The following CEP104 variants were observed in gnomAD, a reference collection of about 807,000 sequenced individuals.
CEP104 encodes centrosomal protein 104, also known as centrosomal protein of 104 kDa.
In CEP104, 84 loss-of-function variants were observed where a neutral mutation model predicts 113.3. That is an observed-to-expected ratio of 0.74 (90% CI 0.62 to 0.89). The LOEUF (loss-of-function observed/expected upper bound fraction) is 0.89, where lower values mean the gene tolerates loss of function less well. Among genes scored for constraint, CEP104 ranks in the 40% least tolerant of loss-of-function variants. The pLI is 0.00. For missense variants in CEP104, 1,053 were observed against 1,156.6 expected (o/e 0.91, Z 1.30); for synonymous variants, 378 against 421.7 (o/e 0.90, Z 1.27).
rs1644032747 is a variant in CEP104 at position 3,823,944 on chromosome 1, A to G, written c.2365-382T>C. On this transcript the variant is annotated intron_variant, in intron 18 of 21. Transcript: ENST00000378230. The surrounding 1 kb of genome is among the most constrained non-coding windows in gnomAD (Gnocchi z 4.1). ...AGAATGCACACAGAAACAGGACCAC[A>G]GAAAAGAATTTTAAGAGATTCTCTC... 6.6e-6 allele frequency among the ~76,000 whole-genome samples: 1 copy of G among 152,236 alleles called. No homozygotes were observed. Among genetic ancestry groups the G allele is most frequent in the African/African-American group, 2.4e-5 (1 of 41,456 alleles).
chr1:3,834,009 C>T lies in CEP104; in HGVS notation c.1512G>A (p.Leu504=). The change falls in exon 12 of 22, where the codon TTG becomes TTA. Residue 504 remains leucine (L), a synonymous_variant. Transcript: ENST00000378230. The part of the protein sequence containing the change: ...TSVFQASLKL[L]KMIITQYIPK... ...GAATATATTGTGTAATGATCATTTT[C>T]AACAATTTCAAAGAAGCCTGAAAAA... The T allele has an allele frequency of 6.2e-7, 1 of 1,613,508 alleles. No homozygotes were observed. The highest frequency in any genetic ancestry group is 8.5e-7 in the Non-Finnish European group (1 of 1,179,512).
chr1:3,816,111 A>G (rs1197874841), intron 21 of CEP104, 169 bp downstream of exon 21: 2 of 580,224 alleles, frequency 3.4e-6, no homozygotes, highest in Non-Finnish European at 5.9e-6. Flanking sequence ...CACGATTCTG[A>G]TTATTAGCCT....
intron 6 of CEP104, among the ~76,000 whole-genome samples, chr1:3,843,549 G>C (rs1164615098): frequency 1.3e-5 from 1 of 74,604 alleles, no homozygotes; most frequent in Non-Finnish European, 2.6e-5. Context: ...ATGGGGTTTT[G>C]ACATGTTCCC....
rs1644319704 is a variant in CEP104, at chr1:3,836,613, A to T, written c.1199T>A (p.Met400Lys). 1.2e-6 allele frequency: 2 copies of T among 1,612,820 alleles called. No individual in the cohort carries two copies. The highest frequency in any genetic ancestry group is 1.7e-6 in the Non-Finnish European group (2 of 1,179,900). ...AGCATCGCTGATGTCTGCATTACTCATTTCCGGCTCCACCACTGCCTCCCC... is the reference window on the plus strand; with the variant it reads ...AGCATCGCTGATGTCTGCATTACTCTTTTCCGGCTCCACCACTGCCTCCCC... Reference protein sequence around the residue: ...HYGEAVVEPEMSNADISDARR... With the variant: ...HYGEAVVEPEKSNADISDARR... The change falls in exon 10 of 22, where the codon ATG becomes AAG. Residue 400 changes from methionine to lysine, a missense_variant. Physicochemically the swap from Met to Lys is moderately conservative, Grantham distance 95. Transcript: ENST00000378230.
intron 20 of CEP104, among the ~76,000 whole-genome samples, chr1:3,822,322 T>C (rs1479388752): frequency 6.6e-6 from 1 of 152,172 alleles, no homozygotes; most frequent in East Asian, 1.9e-4. Context: ...GGGGCTGTCT[T>C]CTCTGTTTGG....
At chr1:3,832,289 TGTAACCAGGAGTGTATTGTAGGTC>T (rs1557672311) in intron 12 of CEP104, among the ~76,000 whole-genome samples, 2 of 114,926 alleles carry the variant, frequency 1.7e-5, no homozygotes, top group Non-Finnish European at 3.7e-5. Flanking sequence ...AGGAGTGTAT[TGTAACCAGGAGTGTATTGTAGGTC>T]GTAACCAGGA....
At chr1:3,854,635 AT>A (rs34466194) in intron 1 of CEP104, among the ~76,000 whole-genome samples, 4,523 of 126,054 alleles carry the variant, frequency 0.036, 124 homozygotes, top group African/African-American at 0.078. Flanking sequence ...TGCCTGGCTA[AT>A]TTTTTTTTTT....
At chr1:3,821,009 G>A (rs983967176) in intron 20 of CEP104, among the ~76,000 whole-genome samples, 11 of 152,248 alleles carry the variant, frequency 7.2e-5, no homozygotes, top group African/African-American at 2.7e-4. Context: ...CATGAGTGAT[G>A]GAGCTTACTT....
chr1:3,816,328 T>C lies in CEP104; in HGVS notation c.2614A>G (p.Asn872Asp), dbSNP rs1419146430. 6.4e-7 allele frequency: 1 copy of C among 1,553,538 alleles called. No homozygotes were observed. Among genetic ancestry groups the C allele is most frequent in the East Asian group, 2.4e-5 (1 of 41,192 alleles). The stretch of plus-strand genomic sequence containing the variant: ...TGCAGAATGTGTGTCTTGCGCAGGT[T>C]CATCGTGCAGCCGGCTGGGCCCATC... ...HLMGPAGCTM[N>D]LRKTHILQKA... Residue 872 changes from asparagine (N) to aspartate (D), a missense_variant, in exon 21 of 22, where the codon AAC becomes GAC. Transcript: ENST00000378230.
intron 3 of CEP104, 21 bp downstream of exon 3, chr1:3,848,587 C>T (rs748412034): frequency 1.3e-6 from 2 of 1,538,160 alleles, no homozygotes; most frequent in East Asian, 2.3e-5. Context: ...TGCCATGATA[C>T]ATTTTAAATT....
intron 8 of CEP104, among the ~76,000 whole-genome samples, chr1:3,838,371 G>C (rs946799370): frequency 6.6e-6 from 1 of 152,064 alleles, no homozygotes; most frequent in Non-Finnish European, 1.5e-5. Context: ...GGCTGGTCTC[G>C]AACTCCTGGG....
rs1367858296 is a variant in CEP104 at position 3,856,611 on chromosome 1, A to C, written c.-15+278T>G. ...CCAGAAGAGGAAAAGCCGGATCTGA[A>C]AACAATATTCCACGCTAAATGGGCC... On this transcript the variant is annotated intron_variant, in intron 1 of 21. Transcript: ENST00000378230. Among the ~76,000 whole-genome samples the C allele has an allele frequency of 2.0e-5, 3 of 152,226 alleles. No homozygotes were observed. The East Asian group carries it at 5.8e-4, about 29-fold the overall frequency.
At chr1:3,832,972 C>T (rs573278396) in intron 12 of CEP104, among the ~76,000 whole-genome samples, 3 of 149,312 alleles carry the variant, frequency 2.0e-5, no homozygotes, top group East Asian at 2.0e-4. Flanking sequence ...TGAGCCACCC[C>T]GCCTGGCCTG....
chr1:3,852,421 G>A lies in CEP104; in HGVS notation c.-14C>T, dbSNP rs1644630617. On this transcript the variant is annotated splice_region_variant and 5_prime_UTR_variant, in exon 2 of 22. Transcript: ENST00000378230. ...CTTGTGGGGCATTCTGCACGTTTGG[G>A]CTGTTTATAAGAGCAGGAAAAACTT... 3 of 1,611,052 alleles carry A rather than the reference G, an allele frequency of 1.9e-6. No individual in the cohort carries two copies. The highest frequency in any genetic ancestry group is 1.7e-5 in the Admixed American group (1 of 59,514).
intron 1 of CEP104, among the ~76,000 whole-genome samples, chr1:3,854,972 A>G (rs1644686299): frequency 6.7e-6 from 1 of 150,282 alleles, no homozygotes; most frequent in South Asian, 2.1e-4. Context: ...CCTGGGTTCA[A>G]GTGATTCTCC....
In CEP104 at chr1:3,843,175, A is replaced by G. The variant is rs781490794; in HGVS notation, c.566+1732T>C. On this transcript the variant is annotated intron_variant, in intron 6 of 21. Coordinates refer to ENST00000378230, the MANE Select transcript of CEP104 (RefSeq NM_014704.4). ...TTCCTTTAGACCAGGCACCTCTGGA[A>G]TGGAGTCCCCTCATTGTCATCCACA... 1.6e-5 allele frequency: 11 copies of G among 699,780 alleles called. No homozygotes were observed. In the Admixed American group the frequency reaches 2.2e-4, roughly 14 times the overall value. 43.3% of individuals were successfully genotyped at this position (699,780 alleles called of 1,614,324 possible). A position where few individuals can be genotyped will look rare whatever the true frequency, so the allele number is the denominator to read the frequency against.
intron 6 of CEP104, among the ~76,000 whole-genome samples, chr1:3,842,897 C>T (rs1644438384): frequency 6.6e-6 from 1 of 152,078 alleles, no homozygotes. Flanking sequence ...AAGGGATTCT[C>T]CTGCCTCAGC....
chr1:3,815,530 C>G lies in CEP104; in HGVS notation c.2663-13G>C, dbSNP rs1217863399. On this transcript the variant is annotated splice_polypyrimidine_tract_variant and intron_variant, in intron 21 of 21. Transcript: ENST00000378230. ...GCTGAGCTTTTCCCTGCAGAGCAAG[C>G]ACAGGACCTGCATTAGGAGGGGCAC... The G allele has an allele frequency of 6.4e-7, 1 of 1,570,124 alleles. No individual in the cohort carries two copies. Among genetic ancestry groups the G allele is most frequent in the East Asian group, 2.3e-5 (1 of 44,366 alleles).
chr1:3,838,799 C>A (rs1309838614), intron 8 of CEP104, among the ~76,000 whole-genome samples, 165 bp downstream of exon 8: 1 of 152,234 alleles, frequency 6.6e-6, no homozygotes, highest in Non-Finnish European at 1.5e-5. Flanking sequence ...GAGGCAAAGC[C>A]TCCCTGACGT....
Sources: gnomAD v4.1 joint callset for allele counts (sites outside exome capture counted in the v4.1 genomes callset) on GRCh38, gnomAD v4.1.1 for gene constraint, Gnocchi (gnomAD v3.1) non-coding constraint, MANE v1.5 for transcripts, NCBI Gene and HGNC (gene_info 2026-07-23, HGNC 2026-07-21) for gene names.